The following DPP6 variants were observed in gnomAD, a reference collection of about 807,000 sequenced individuals.
DPP6 encodes the protein dipeptidyl peptidase like 6, also known as A-type potassium channel modulatory protein DPP6.
A neutral mutation model predicts 122.6 loss-of-function variants in DPP6; 69 were observed. The observed-to-expected ratio is 0.56, with a 90% CI of 0.46 to 0.69. The LOEUF (loss-of-function observed/expected upper bound fraction) is 0.69, where lower values mean the gene tolerates loss of function less well. DPP6 is among the 30% of genes least tolerant of loss of function. The pLI is 0.00. For synonymous variants in DPP6, 418 were observed against 433.1 expected (o/e 0.97, Z 0.43); for missense variants, 928 against 1,116.9 (o/e 0.83, Z 2.41).
chr7:154,154,849 C>T (rs192711526), intron 1 of DPP6, among the ~76,000 whole-genome samples: 590 of 152,332 alleles, frequency 3.9e-3, no homozygotes, highest in African/African-American at 8.3e-3. Flanking sequence ...GTCGAGCTCA[C>T]GAATGGTAAG....
intron 1 of DPP6, among the ~76,000 whole-genome samples, chr7:154,408,304 CTT>C (rs1816291358): frequency 6.6e-6 from 1 of 152,124 alleles, no homozygotes; most frequent in Admixed American, 6.5e-5. Context: ...GAGACTATAA[CTT>C]AAGATGTCAG....
intron 1 of DPP6, among the ~76,000 whole-genome samples, chr7:154,256,967 G>GTTCTTTT (rs1802694009): frequency 6.7e-6 from 1 of 149,540 alleles, no homozygotes; most frequent in Non-Finnish European, 1.5e-5. Flanking sequence ...ACCCCCTTGG[G>GTTCTTTT]TTCTTTTTTC....
At chr7:153,812,199 C>G in the DPP6 span, among the ~76,000 whole-genome samples, 1 of 152,128 alleles carries the variant, frequency 6.6e-6, no homozygotes, top group Admixed American at 6.6e-5. Flanking sequence ...CTGGTTTACC[C>G]TGACCCTCTC....
chr7:154,354,059 C>A (rs1019408876), intron 1 of DPP6, among the ~76,000 whole-genome samples: 1 of 152,146 alleles, frequency 6.6e-6, no homozygotes, highest in Non-Finnish European at 1.5e-5. Flanking sequence ...GAGCAACAGG[C>A]AAGCCACAGT....
At chr7:154,868,191 C>T (rs1279003716) in intron 18 of DPP6, 98 bp downstream of exon 18, 2 of 1,461,916 alleles carry the variant, frequency 1.4e-6, no homozygotes, top group Admixed American at 2.2e-5. Context: ...GCAAGGAAGA[C>T]TCCCCAAGCA....
At chr7:154,612,505 G>A (rs1489045074) in intron 5 of DPP6, among the ~76,000 whole-genome samples, 1 of 152,166 alleles carries the variant, frequency 6.6e-6, no homozygotes, top group Admixed American at 6.5e-5. Flanking sequence ...TTTTATTGCG[G>A]AGTAATATTC....
the DPP6 span, among the ~76,000 whole-genome samples, chr7:153,829,878 C>A: frequency 2.0e-5 from 3 of 152,168 alleles, no homozygotes; most frequent in African/African-American, 7.2e-5. Context: ...AGCGGCCACC[C>A]CTTCTTATAA....
chr7:154,617,446 C>A (rs751561054), intron 5 of DPP6, among the ~76,000 whole-genome samples: 1 of 152,134 alleles, frequency 6.6e-6, no homozygotes, highest in African/African-American at 2.4e-5. Context: ...GGTAAGCAAT[C>A]CGATTGTGCG....
intron 16 of DPP6, among the ~76,000 whole-genome samples, chr7:154,827,990 G>C (rs1800312409): frequency 6.6e-6 from 1 of 152,172 alleles, no homozygotes. Context: ...CCTGCGTGGT[G>C]CTGGACTGGA....
chr7:153,822,661 A>G, the DPP6 span, among the ~76,000 whole-genome samples: 4 of 152,352 alleles, frequency 2.6e-5, no homozygotes, highest in African/African-American at 9.6e-5. Flanking sequence ...AAATAAAATC[A>G]GCATATAAAT....
chr7:154,191,292 T>C (rs1177268055), intron 1 of DPP6, among the ~76,000 whole-genome samples: 1 of 152,216 alleles, frequency 6.6e-6, no homozygotes, highest in Non-Finnish European at 1.5e-5. Context: ...CTGCTAATCA[T>C]TGACATTGAA....
intron 1 of DPP6, among the ~76,000 whole-genome samples, chr7:153,930,255 T>C (rs1801110326): frequency 6.6e-6 from 1 of 152,192 alleles, no homozygotes; most frequent in Admixed American, 6.5e-5. Flanking sequence ...AAGCTAATTA[T>C]CAGCTCAATC....
At chr7:153,860,651 C>CAA in the DPP6 span, among the ~76,000 whole-genome samples, 1 of 148,112 alleles carries the variant, frequency 6.8e-6, no homozygotes, top group Admixed American at 6.7e-5. Flanking sequence ...CCCATGCCTT[C>CAA]AAAAAAAAAA....
intron 1 of DPP6, among the ~76,000 whole-genome samples, chr7:154,165,878 C>T (rs912545152): frequency 4.6e-5 from 7 of 152,114 alleles, no homozygotes; most frequent in Non-Finnish European, 5.9e-5. Flanking sequence ...AGAGGAGACT[C>T]GAACTTCTAA....
In DPP6 at chr7:154,833,633, G is replaced by A. The variant is rs548631674; in HGVS notation, c.1667-20147G>A. On this transcript the variant is annotated intron_variant, in intron 16 of 25. Transcript: ENST00000377770. The surrounding 1 kb of genome is among the most constrained non-coding windows in gnomAD (Gnocchi z 4.3). Reference sequence around the variant, plus strand: ...CCGACTCTGACTCCGTATCTCAGAGGTGGGGGGCTCTGGTCATTTGCACCA... The same window carrying A: ...CCGACTCTGACTCCGTATCTCAGAGATGGGGGGCTCTGGTCATTTGCACCA... Among the ~76,000 whole-genome samples, 66 of 152,284 alleles carry A rather than the reference G, an allele frequency of 4.3e-4. No homozygotes were observed. Among genetic ancestry groups the A allele is most frequent in the African/African-American group, 1.6e-3 (66 of 41,550 alleles).
chr7:154,505,786 A>G (rs925426783), intron 3 of DPP6, among the ~76,000 whole-genome samples: 18 of 152,186 alleles, frequency 1.2e-4, no homozygotes, highest in African/African-American at 4.1e-4. Flanking sequence ...ACCTGGCTAA[A>G]GTCGTACTTG....
intron 16 of DPP6, among the ~76,000 whole-genome samples, chr7:154,823,528 G>A (rs193202879): frequency 7.2e-5 from 11 of 152,244 alleles, no homozygotes; most frequent in South Asian, 2.1e-4. Flanking sequence ...TGGTGCCTGC[G>A]GATAAAGTTT....
At chr7:154,597,313 G>C (rs1833155357) in intron 5 of DPP6, among the ~76,000 whole-genome samples, 2 of 152,068 alleles carry the variant, frequency 1.3e-5, no homozygotes, top group South Asian at 4.2e-4. Flanking sequence ...GTTAGAATTT[G>C]AGTAGCATGG....
chr7:154,431,314 C>T (rs1481964670), intron 1 of DPP6, among the ~76,000 whole-genome samples: 1 of 152,048 alleles, frequency 6.6e-6, no homozygotes, highest in Non-Finnish European at 1.5e-5. Flanking sequence ...CTGCGCCACT[C>T]CCCAGGGCCT....
Sources: gnomAD v4.1 joint callset for allele counts (sites outside exome capture counted in the v4.1 genomes callset) on GRCh38, gnomAD v4.1.1 for gene constraint, Gnocchi (gnomAD v3.1) non-coding constraint, MANE v1.5 for transcripts, NCBI Gene and HGNC (gene_info 2026-07-23, HGNC 2026-07-21) for gene names.